Variants in ZC3H18 observed in about 807,000 individuals in gnomAD.
ZC3H18 encodes zinc finger CCCH-type containing 18.
In ZC3H18, 8 loss-of-function variants were observed where a neutral mutation model predicts 106.1. The observed-to-expected ratio is 0.08, with a 90% CI of 0.04 to 0.14. The LOEUF (loss-of-function observed/expected upper bound fraction) is 0.14. Ranked by LOEUF, ZC3H18 falls within the 10% of genes least tolerant of loss-of-function variation. ZC3H18 has a pLI of 1.00. For synonymous variants in ZC3H18, 635 were observed against 522.1 expected (o/e 1.22, Z -2.95); for missense variants, 1,318 against 1,278.4 (o/e 1.03, Z -0.47).
At position 88,631,300 on chromosome 16, in the gene ZC3H18, G is replaced by A. The variant is rs751666666; in HGVS notation, c.*1G>A. 2.0e-5 allele frequency: 32 copies of A among 1,574,328 alleles called. No individual in the cohort carries two copies. The highest frequency in any genetic ancestry group is 2.3e-5 in the Non-Finnish European group (27 of 1,159,936). The stretch of plus-strand genomic sequence containing the variant: ...GGCCAAGATCCCCGGGAAAGCATAG[G>A]CCGTGCCCCGACCGGACTGGACGCA... On this transcript the variant is annotated 3_prime_UTR_variant, in exon 18 of 18. Transcript: ENST00000301011.
At position 88,608,851 on chromosome 16, in the gene ZC3H18, C is replaced by G. The variant is rs2142736335; in HGVS notation, c.1089-83C>G. On this transcript the variant is annotated intron_variant, in intron 6 of 17. Transcript: ENST00000301011. ...AACCCCACTGCGTCACGGTCTGTTA[C>G]TTTCTGTCCCTAATGTTTCGTGTGG... 4.2e-6 allele frequency: 5 copies of G among 1,196,460 alleles called. No individual in the cohort carries two copies. In the East Asian group the frequency reaches 7.2e-5, roughly 17 times the overall value. The allele number at this position is 1,196,460 out of a possible 1,614,324, so 74.1% of individuals were successfully genotyped here. A position where few individuals can be genotyped will look rare whatever the true frequency, so the allele number is the denominator to read the frequency against.
At position 88,611,357 on chromosome 16, in the gene ZC3H18, G is replaced by A; in HGVS notation, c.1296G>A (p.Arg432=). ...ERDRERERRQ[R]ERERERERER... ...ACCGAGAGCGGGAGCGCCGGCAGAG[G>A]GAGCGCGAGCGAGAGCGGGAGCGCG... is the stretch of plus-strand genomic sequence containing the variant. The change falls in exon 8 of 18, where the codon AGG becomes AGA. Residue 432 remains arginine (R), a synonymous_variant. Coordinates refer to ENST00000301011, the MANE Select transcript of ZC3H18 (RefSeq NM_144604.4). 1.1e-6 allele frequency: 1 copy of A among 896,458 alleles called. No homozygotes were observed. Among genetic ancestry groups the A allele is most frequent in the East Asian group, 2.6e-5 (1 of 38,014 alleles). 55.5% of individuals were successfully genotyped at this position (896,458 alleles called of 1,614,324 possible).
Position 88,611,465 on chromosome 16 carries a change from T to G in ZC3H18, c.1404T>G (p.Arg468=), listed in dbSNP as rs1224416482. The G allele has an allele frequency of 1.3e-6, 2 of 1,545,512 alleles. No homozygotes were observed. Among genetic ancestry groups the G allele is most frequent in the East Asian group, 4.9e-5 (2 of 40,860 alleles). ...GGGACGAGAAGGACCGGCAGCACCG[T>G]GACCGCGACCGGGAGAAGGAGCGGG... The part of the protein sequence containing the change: ...AKRDEKDRQH[R]DRDREKEREK... The change falls in exon 8 of 18, where the codon CGT becomes CGG. Residue 468 remains arginine (R), a synonymous_variant. Coordinates refer to ENST00000301011, the MANE Select transcript of ZC3H18 (RefSeq NM_144604.4).
chr16:88,624,379 T>A, intron 11 of ZC3H18: 1 of 730,428 alleles, frequency 1.4e-6, no homozygotes, highest in Non-Finnish European at 2.2e-6. Flanking sequence ...CTGTAGCTCT[T>A]GCCTGTTAGA....
At chr16:88,605,415 C>T (rs568242815) in intron 6 of ZC3H18, among the ~76,000 whole-genome samples, 6 of 152,370 alleles carry the variant, frequency 3.9e-5, no homozygotes, top group Non-Finnish European at 7.3e-5. Flanking sequence ...GTCGACCATG[C>T]TGGGTTGGGG....
At chr16:88,618,297 A>G (rs1905749221) in intron 8 of ZC3H18, among the ~76,000 whole-genome samples, 1 of 151,932 alleles carries the variant, frequency 6.6e-6, no homozygotes, top group Non-Finnish European at 1.5e-5. Context: ...GCCCGTAGCT[A>G]AATGCTCCAC....
intron 8 of ZC3H18, among the ~76,000 whole-genome samples, chr16:88,617,623 T>G (rs1905703381): frequency 6.6e-6 from 1 of 152,256 alleles, no homozygotes; most frequent in East Asian, 1.9e-4. Flanking sequence ...ACTTCCAGGT[T>G]TACCTTTGCA....
intron 11 of ZC3H18, 184 bp downstream of exon 11, chr16:88,624,246 C>T: frequency 1.2e-6 from 1 of 803,516 alleles, no homozygotes; most frequent in Non-Finnish European, 1.9e-6. Flanking sequence ...CACGGGCCAC[C>T]CTTACACAGC....
chr16:88,584,727 A>G (rs983234474), intron 2 of ZC3H18, among the ~76,000 whole-genome samples: 1 of 152,188 alleles, frequency 6.6e-6, no homozygotes, highest in Non-Finnish European at 1.5e-5. Flanking sequence ...CACCTTTAGT[A>G]GCTACAGGGT....
intron 1 of ZC3H18, among the ~76,000 whole-genome samples, chr16:88,576,261 C>T (rs1914742310): frequency 6.6e-6 from 1 of 151,896 alleles, no homozygotes; most frequent in African/African-American, 2.4e-5. Flanking sequence ...AGGCTGGTCT[C>T]GAACTGCTGG....
rs568360664 is a variant in ZC3H18 at position 88,604,025 on chromosome 16, A to C, written c.1088+4077A>C. On this transcript the variant is annotated intron_variant, in intron 6 of 17. Transcript: ENST00000301011. ...ATATTCCGTTTCTACCACCTCAAGCACTTTGTTCAGGTACCATCTGACTTA... is the reference window on the plus strand; with the variant it reads ...ATATTCCGTTTCTACCACCTCAAGCCCTTTGTTCAGGTACCATCTGACTTA... Among the ~76,000 whole-genome samples the C allele has an allele frequency of 1.2e-4, 18 of 152,168 alleles. No homozygotes were observed. In the South Asian group the frequency reaches 3.5e-3, roughly 30 times the overall value.
At chr16:88,621,544 C>G (rs1019438379) in intron 8 of ZC3H18, among the ~76,000 whole-genome samples, 1 of 151,542 alleles carries the variant, frequency 6.6e-6, no homozygotes, top group African/African-American at 2.4e-5. Context: ...TCTTAGTAGA[C>G]ATGGAGTTTC....
chr16:88,607,320 C>T lies in ZC3H18; in HGVS notation c.1089-1614C>T, dbSNP rs115148165. The stretch of plus-strand genomic sequence containing the variant: ...TTAATGTCTCAGAGGGCGTGTCTGG[C>T]GTGTCTTTTCATTTCCAGGGTTTTC... On this transcript the variant is annotated intron_variant, in intron 6 of 17. Transcript: ENST00000301011. Among the ~76,000 whole-genome samples, 867 of 152,242 alleles carry T rather than the reference C, an allele frequency of 5.7e-3. 14 individuals carry two copies. Among genetic ancestry groups the T allele is most frequent in the African/African-American group, 0.019 (803 of 41,538 alleles).
chr16:88,595,285 C>A (rs1192099744), intron 3 of ZC3H18, among the ~76,000 whole-genome samples: 2 of 151,988 alleles, frequency 1.3e-5, no homozygotes, highest in Non-Finnish European at 1.5e-5. Flanking sequence ...GCCGCCTCCG[C>A]CCCGCTCCAG....
At chr16:88,588,753 A>C (rs1567581581) in intron 3 of ZC3H18, among the ~76,000 whole-genome samples, 1 of 152,070 alleles carries the variant, frequency 6.6e-6, no homozygotes, top group Non-Finnish European at 1.5e-5. Context: ...GGTGGCACGC[A>C]TGTGTAGTCC....
intron 2 of ZC3H18, among the ~76,000 whole-genome samples, chr16:88,582,386 A>G (rs182434977): frequency 2.2e-4 from 34 of 151,900 alleles, no homozygotes; most frequent in African/African-American, 8.2e-4. Context: ...CACCACGGCC[A>G]GCTGATTTTT....
chr16:88,580,921 C>G (rs866092057), intron 2 of ZC3H18, among the ~76,000 whole-genome samples: 3 of 152,178 alleles, frequency 2.0e-5, no homozygotes, highest in Non-Finnish European at 4.4e-5. Flanking sequence ...CTCTCTTTGG[C>G]CTGTACCTTC....
intron 2 of ZC3H18, among the ~76,000 whole-genome samples, chr16:88,585,756 G>A (rs1273277048): frequency 6.6e-6 from 1 of 152,174 alleles, no homozygotes; most frequent in Non-Finnish European, 1.5e-5. Context: ...CAGGCTGGGT[G>A]TGATGGGCAG....
chr16:88,623,189 TC>T (rs1229154398), intron 9 of ZC3H18, 29 bp from the exon 10 acceptor site: 1 of 1,605,962 alleles, frequency 6.2e-7, no homozygotes, highest in South Asian at 1.1e-5. Flanking sequence ...CCTTCTCACT[TC>T]TCGCCACGCT....
Sources: allele counts gnomAD v4.1 joint callset (sites outside exome capture counted in the v4.1 genomes callset), GRCh38; gene constraint gnomAD v4.1.1; transcripts MANE v1.5; gene names NCBI Gene and HGNC (gene_info 2026-07-23, HGNC 2026-07-21).